Variants in PPP2R2C observed in about 807,000 individuals in gnomAD.
PPP2R2C encodes protein phosphatase 2 regulatory subunit Bgamma.
A neutral mutation model predicts 45.3 loss-of-function variants in PPP2R2C; 10 were observed. That is an observed-to-expected ratio of 0.22 (90% confidence interval 0.14 to 0.37). The LOEUF is 0.37. Among genes scored for constraint, PPP2R2C ranks in the 10% least tolerant of loss-of-function variants. The pLI, the probability that PPP2R2C is intolerant of heterozygous loss-of-function variation, is 1.00. For missense variants in PPP2R2C, 308 were observed against 619.7 expected, an observed-to-expected ratio of 0.50 and a Z score of 5.34; for synonymous variants, 257 against 245.4, an observed-to-expected ratio of 1.05 and a Z score of -0.44.
rs1022963218 is a variant in PPP2R2C at position 6,331,729 on chromosome 4, G to A, written c.960+1833C>T. Among the ~76,000 whole-genome samples the A allele has an allele frequency of 5.3e-5, 8 of 152,126 alleles. No individual in the cohort carries two copies. The highest frequency in any genetic ancestry group is 2.1e-4 in the South Asian group (1 of 4,824). ...CCACATGTGAAGGTGGAAAACCAACGCCCAAATGATGGTGGACTGGATCAC... is the reference window on the plus strand; with the variant it reads ...CCACATGTGAAGGTGGAAAACCAACACCCAAATGATGGTGGACTGGATCAC... On this transcript the variant is annotated intron_variant, in intron 7 of 8. Coordinates refer to ENST00000382599, the MANE Select transcript of PPP2R2C (RefSeq NM_020416.4). The surrounding 1 kb of genome is among the most constrained non-coding windows in gnomAD (Gnocchi z 5.9).
At position 6,328,168 on chromosome 4, in the gene PPP2R2C, T is replaced by C. The variant is rs1732109684; in HGVS notation, c.1052+1094A>G. On this transcript the variant is annotated intron_variant, in intron 8 of 8. Coordinates refer to ENST00000382599, the MANE Select transcript of PPP2R2C (RefSeq NM_020416.4). The surrounding 1 kb of genome is among the most constrained non-coding windows in gnomAD (Gnocchi z 4.4). ...AGCCCCCCACCAGGTGATGCCCAAG[T>C]CAGGGCTGCTGGCTCTCACTCCACC... Among the ~76,000 whole-genome samples, 1 of 152,132 alleles carries C rather than the reference T, an allele frequency of 6.6e-6. No homozygotes were observed. The highest frequency in any genetic ancestry group is 3.2e-3 in the Middle Eastern group (1 of 316).
At chr4:6,550,766 C>T (rs55771703) in intron 1 of PPP2R2C, among the ~76,000 whole-genome samples, 2,850 of 152,332 alleles carry the variant, frequency 0.019, 91 homozygotes, top group African/African-American at 0.065. Flanking sequence ...CTGCCTTAGC[C>T]TCCTAAGTAG....
chr4:6,553,373 C>A lies in PPP2R2C; in HGVS notation c.-59+10187G>T, dbSNP rs57983509. ...AGATCTACGGGTCAAGTGGAGAAAT[C>A]CAGCGCAGTCCACTGTGGCCACTCA... On this transcript the variant is annotated intron_variant, in intron 1 of 9. Transcript: ENST00000506140. Among the ~76,000 whole-genome samples the A allele has an allele frequency of 6.5e-3, 997 of 152,338 alleles. 14 individuals are homozygous for A. The highest frequency in any genetic ancestry group is 0.023 in the African/African-American group (949 of 41,566).
chr4:6,366,221 T>C (rs548557030), intron 5 of PPP2R2C, among the ~76,000 whole-genome samples: 1 of 152,292 alleles, frequency 6.6e-6, no homozygotes, highest in South Asian at 2.1e-4. Flanking sequence ...AAAAGGGAAT[T>C]TTCTGATTTT....
At chr4:6,470,978 G>A (rs1259835005) in intron 1 of PPP2R2C, among the ~76,000 whole-genome samples, 1 of 151,586 alleles carries the variant, frequency 6.6e-6, no homozygotes, top group Non-Finnish European at 1.5e-5. Context: ...CTCGCGCTGC[G>A]CTCCCCGGGC....
At chr4:6,447,959 G>C (rs10010551) in intron 1 of PPP2R2C, among the ~76,000 whole-genome samples, 10,845 of 152,190 alleles carry the variant, frequency 0.071, 719 homozygotes, top group African/African-American at 0.18. Flanking sequence ...GATTCACTCA[G>C]TTATTCCTGA....
At position 6,518,922 on chromosome 4, in the gene PPP2R2C, TAAAAAAAAAAA is replaced by T. The variant is rs56002128; in HGVS notation, c.49+16338_49+16348del. On this transcript the variant is annotated intron_variant, in intron 2 of 9. Transcript: ENST00000506140. ...TGGGCAACAGAGCAAGACTCTGTCT[TAAAAAAAAAAA>T]AAAAAAAAAAAAAAAAAAAAGAATA... is the stretch of plus-strand genomic sequence containing the variant. 3.8e-3 allele frequency among the ~76,000 whole-genome samples: 356 copies of T among 92,900 alleles called. 9 individuals are homozygous for T. Among genetic ancestry groups the T allele is most frequent in the South Asian group, 0.018 (58 of 3,144 alleles). 60.9% of individuals were successfully genotyped at this position (92,900 alleles called of 152,430 possible).
intron 1 of PPP2R2C, among the ~76,000 whole-genome samples, chr4:6,548,272 C>T (rs1725061704): frequency 6.6e-6 from 1 of 152,094 alleles, no homozygotes; most frequent in African/African-American, 2.4e-5. Context: ...ACAACCACAC[C>T]TGTTAGGATG....
At chr4:6,540,272 AT>A (rs1466990766) in intron 1 of PPP2R2C, among the ~76,000 whole-genome samples, 3 of 152,116 alleles carry the variant, frequency 2.0e-5, no homozygotes, top group Non-Finnish European at 4.4e-5. Context: ...GTCTCTATGA[AT>A]TTTCTGATTA....
At chr4:6,452,190 G>T (rs1024200543) in intron 1 of PPP2R2C, among the ~76,000 whole-genome samples, 1 of 152,110 alleles carries the variant, frequency 6.6e-6, no homozygotes, top group South Asian at 2.1e-4. Flanking sequence ...AAATGTTGCT[G>T]CCAAACGGAC....
At chr4:6,480,250 CT>C in intron 2 of PPP2R2C, among the ~76,000 whole-genome samples, 1 of 152,138 alleles carries the variant, frequency 6.6e-6, no homozygotes, top group East Asian at 1.9e-4. Context: ...CTACAAACTG[CT>C]TTTTTTCCTA....
At chr4:6,456,946 G>A (rs4277850) in intron 1 of PPP2R2C, among the ~76,000 whole-genome samples, 12,155 of 152,172 alleles carry the variant, frequency 0.08, 676 homozygotes, top group Non-Finnish European at 0.12. Context: ...GGTGGCTTGC[G>A]CCTATAATTC....
Position 6,562,474 on chromosome 4 carries a change from G to C in PPP2R2C, c.-59+1086C>G, listed in dbSNP as rs567559355. Among the ~76,000 whole-genome samples the C allele has an allele frequency of 3.0e-4, 13 of 43,966 alleles. No individual in the cohort carries two copies. The South Asian group carries it at 4.2e-3, about 14-fold the overall frequency. The allele number at this position is 43,966 out of a possible 152,430, so 28.8% of individuals were successfully genotyped here. On this transcript the variant is annotated intron_variant, in intron 1 of 9. Transcript: ENST00000506140. ...GGGGAGGATTCAACGGAGTCGGGGGGGGGGGTTGGATATTTGAAAGCTCTT... is the reference window on the plus strand; with the variant it reads ...GGGGAGGATTCAACGGAGTCGGGGGCGGGGGTTGGATATTTGAAAGCTCTT...
chr4:6,510,821 C>A (rs1319319581), intron 2 of PPP2R2C, among the ~76,000 whole-genome samples: 3 of 151,788 alleles, frequency 2.0e-5, no homozygotes, highest in Non-Finnish European at 4.4e-5. Flanking sequence ...ACTAAAAATC[C>A]AAAAAATTAG....
intron 1 of PPP2R2C, among the ~76,000 whole-genome samples, chr4:6,433,472 T>A (rs1337642364): frequency 2.0e-5 from 3 of 152,182 alleles, no homozygotes; most frequent in Non-Finnish European, 2.9e-5. Flanking sequence ...CGCCAAGTTT[T>A]CCCATCATTC....
At chr4:6,386,759 A>G (rs1489223336) in intron 1 of PPP2R2C, among the ~76,000 whole-genome samples, 1 of 152,220 alleles carries the variant, frequency 6.6e-6, no homozygotes, top group Non-Finnish European at 1.5e-5. Context: ...GTGGAAACTC[A>G]CCTGAAATGT....
intron 5 of PPP2R2C, among the ~76,000 whole-genome samples, chr4:6,351,862 G>A (rs560315772): frequency 5.3e-5 from 8 of 152,272 alleles, no homozygotes; most frequent in Middle Eastern, 3.4e-3. Flanking sequence ...CCGTGCGACC[G>A]CCTCTCCAAG....
chr4:6,417,315 G>T (rs900904043), intron 1 of PPP2R2C, among the ~76,000 whole-genome samples: 1 of 152,314 alleles, frequency 6.6e-6, no homozygotes, highest in South Asian at 2.1e-4. Flanking sequence ...ATTTTCACAG[G>T]GACCCACCTC....
chr4:6,402,544 C>A (rs546640907), intron 1 of PPP2R2C, among the ~76,000 whole-genome samples: 61 of 152,282 alleles, frequency 4.0e-4, no homozygotes, highest in African/African-American at 1.3e-3. Context: ...CTCACGCCCT[C>A]CATTTCCGTA....
Sources: allele counts gnomAD v4.1 joint callset (sites outside exome capture counted in the v4.1 genomes callset), GRCh38; gene constraint gnomAD v4.1.1; non-coding constraint Gnocchi (gnomAD v3.1); transcripts MANE v1.5; gene names NCBI Gene and HGNC (gene_info 2026-07-23, HGNC 2026-07-21).